Variants in SCYL3 observed in about 807,000 individuals in gnomAD.
SCYL3 encodes protein-associating with the carboxyl-terminal domain of ezrin.
SCYL3 carries 35 observed loss-of-function variants against 73.8 expected under a neutral mutation model. The ratio of observed to expected loss-of-function variants is 0.47; its 90% CI spans 0.36 to 0.63. The LOEUF (loss-of-function observed/expected upper bound fraction) is 0.63. Ranked by LOEUF, SCYL3 falls within the 20% of genes least tolerant of loss-of-function variation. SCYL3 has a pLI of 0.00. For missense variants in SCYL3, 712 were observed against 798.9 expected, an observed-to-expected ratio of 0.89 and a Z score of 1.31; for synonymous variants, 277 against 295.2, an observed-to-expected ratio of 0.94 and a Z score of 0.63.
Position 169,850,903 on chromosome 1 carries a change from TAA to T in SCYL3, c.*2808_*2809del, listed in dbSNP as rs1482823160. The T allele has an allele frequency of 7.0e-6, 1 of 143,824 alleles. No individual in the cohort carries two copies. The highest frequency in any genetic ancestry group is 2.6e-5 in the African/African-American group (1 of 38,242). The allele number at this position is 143,824 out of a possible 1,614,324, so 8.9% of individuals were successfully genotyped here. ...TCCCTAAGCTATTAATAATCATAAT[TAA>T]ATACACTTGATCACATAATTAGGTA... On this transcript the variant is annotated 3_prime_UTR_variant, in exon 13 of 13. Transcript: ENST00000367771.
intron 5 of SCYL3, among the ~76,000 whole-genome samples, chr1:169,872,600 G>A (rs543786155): frequency 7.2e-5 from 11 of 152,284 alleles, no homozygotes; most frequent in East Asian, 3.9e-4. Context: ...CTTGCACCAC[G>A]TGCCTGGAAA....
chr1:169,854,988 A>C, intron 11 of SCYL3, 24 bp from the exon 12 acceptor site: 2 of 1,502,746 alleles, frequency 1.3e-6, no homozygotes, highest in Non-Finnish European at 1.8e-6. Context: ...AATTATTCTC[A>C]TAAAATACTG....
At chr1:169,886,184 G>A (rs980532241) in intron 2 of SCYL3, among the ~76,000 whole-genome samples, 2 of 152,116 alleles carry the variant, frequency 1.3e-5, no homozygotes, top group Non-Finnish European at 2.9e-5. Context: ...GTCGGCGCGT[G>A]CCTGTAATCC....
Position 169,878,777 on chromosome 1 carries a change from A to T in SCYL3, c.208T>A (p.Ser70Thr), listed in dbSNP as rs1661039277. Residue 70 changes from serine to threonine, a missense_variant, in exon 3 of 13, where the codon TCT becomes ACT. Physicochemically the swap from Ser to Thr is moderately conservative, Grantham distance 58. Around this residue, in one of 2 missense-constraint regions of SCYL3, gnomAD observed 342 missense variants for 448.1 expected, o/e 0.76. Transcript: ENST00000367771. ...LRHPCLLRFL[S>T]CTVEADGIHL... ...ATGCCATCCGCTTCCACAGTACAAGATAAAAATCTTAGCAAGCAAGGGTGA... is the reference window on the plus strand; with the variant it reads ...ATGCCATCCGCTTCCACAGTACAAGTTAAAAATCTTAGCAAGCAAGGGTGA... 6.2e-7 allele frequency: 1 copy of T among 1,613,548 alleles called. No individual in the cohort carries two copies. Among genetic ancestry groups the T allele is most frequent in the African/African-American group, 1.3e-5 (1 of 74,898 alleles).
chr1:169,867,386 T>A (rs952712378), intron 7 of SCYL3, among the ~76,000 whole-genome samples: 1 of 152,250 alleles, frequency 6.6e-6, no homozygotes, highest in Non-Finnish European at 1.5e-5. Context: ...GGAATTTCCA[T>A]ACAGCAATCT....
intron 11 of SCYL3, among the ~76,000 whole-genome samples, chr1:169,856,336 G>A (rs1297804391): frequency 6.6e-6 from 1 of 152,204 alleles, no homozygotes; most frequent in Admixed American, 6.5e-5. Flanking sequence ...ATAAGAATAT[G>A]AATGTAGTGA....
chr1:169,855,826 G>A (rs201914700), intron 11 of SCYL3: 176 of 1,613,626 alleles, frequency 1.1e-4, no homozygotes, highest in Middle Eastern at 5.0e-4. Flanking sequence ...TAGTAATCTC[G>A]CTGTATGTGC....
chr1:169,879,438 A>G (rs916733248), intron 2 of SCYL3, among the ~76,000 whole-genome samples: 10 of 152,350 alleles, frequency 6.6e-5, no homozygotes, highest in African/African-American at 2.4e-4. Context: ...CTCAGAAGCA[A>G]GCATCCACTG....
intron 7 of SCYL3, 25 bp downstream of exon 7, chr1:169,868,903 G>C (rs1218626427): frequency 6.4e-7 from 1 of 1,553,182 alleles, no homozygotes; most frequent in African/African-American, 1.4e-5. Context: ...GAAGCAGCTG[G>C]CGTCACCACA....
At chr1:169,859,004 T>A (rs768771855) in intron 11 of SCYL3, 37 bp downstream of exon 11, 10 of 1,580,832 alleles carry the variant, frequency 6.3e-6, no homozygotes, top group Non-Finnish European at 8.6e-6. Context: ...TCTAAAAAAA[T>A]GACACACAAA....
At chr1:169,855,679 G>A in intron 11 of SCYL3, 1 of 921,226 alleles carries the variant, frequency 1.1e-6, no homozygotes, top group Admixed American at 2.8e-5. Context: ...GACCAAAGCT[G>A]ACTACATAAT....
Position 169,852,214 on chromosome 1 carries a change from C to G in SCYL3, c.*1499G>C, listed in dbSNP as rs547036166. 4 of 427,544 alleles carry G rather than the reference C, an allele frequency of 9.4e-6. No individual in the cohort carries two copies. The Admixed American group carries it at 1.2e-4, about 13-fold the overall frequency. The allele number at this position is 427,544 out of a possible 1,614,324, so 26.5% of individuals were successfully genotyped here. A position where few individuals can be genotyped will look rare whatever the true frequency, so the allele number is the denominator to read the frequency against. ...AGTGATGCTATAAATGCAGTCTTTA[C>G]TGAACCACAGAAGAAAATGAAAGAA... On this transcript the variant is annotated 3_prime_UTR_variant, in exon 13 of 13. Coordinates refer to ENST00000367771, the MANE Select transcript of SCYL3 (RefSeq NM_020423.7).
chr1:169,887,698 C>T (rs987153730), intron 2 of SCYL3, among the ~76,000 whole-genome samples: 2 of 152,100 alleles, frequency 1.3e-5, no homozygotes, highest in Non-Finnish European at 2.9e-5. Context: ...TACTTTTTAC[C>T]ACCACGCATC....
chr1:169,849,815 G>T lies in SCYL3; in HGVS notation c.*3898C>A. 1 of 554,736 alleles carries T rather than the reference G, an allele frequency of 1.8e-6. No individual in the cohort carries two copies. The highest frequency in any genetic ancestry group is 3.2e-6 in the Non-Finnish European group (1 of 310,210). 34.4% of individuals were successfully genotyped at this position (554,736 alleles called of 1,614,324 possible). ...TTCGTAAGGTCCTCTGAATAAACAA[G>T]GACCAGAACAGGCATACACAGCAGG... On this transcript the variant is annotated 3_prime_UTR_variant, in exon 13 of 13. Coordinates refer to ENST00000367771, the MANE Select transcript of SCYL3 (RefSeq NM_020423.7).
chr1:169,888,296 G>A (rs1178365393), intron 2 of SCYL3, among the ~76,000 whole-genome samples: 1 of 152,228 alleles, frequency 6.6e-6, no homozygotes, highest in Admixed American at 6.5e-5. Context: ...TTTCCCTAAG[G>A]AGGAAGCTGA....
chr1:169,852,981 A>G lies in SCYL3; in HGVS notation c.*732T>C, dbSNP rs1658614448. ...AGCTAAAACGTTACATACATACTCT[A>G]GGGTGAAACTTATCACTAGGCAGAA... On this transcript the variant is annotated 3_prime_UTR_variant, in exon 13 of 13. Coordinates refer to ENST00000367771, the MANE Select transcript of SCYL3 (RefSeq NM_020423.7). 1 of 1,613,666 alleles carries G rather than the reference A, an allele frequency of 6.2e-7. No individual in the cohort carries two copies. The highest frequency in any genetic ancestry group is 8.5e-7 in the Non-Finnish European group (1 of 1,179,878).
At chr1:169,855,106 G>T in intron 11 of SCYL3, 142 bp from the exon 12 acceptor site, 1 of 591,270 alleles carries the variant, frequency 1.7e-6, no homozygotes, top group Non-Finnish European at 2.9e-6. Context: ...AGAGATCCCA[G>T]CAGAACATTA....
chr1:169,882,059 T>A (rs1475293528), intron 2 of SCYL3, among the ~76,000 whole-genome samples: 1 of 152,194 alleles, frequency 6.6e-6, no homozygotes, highest in Admixed American at 6.5e-5. Flanking sequence ...AGCCCCCTTC[T>A]GGGCTGGCCA....
intron 1 of SCYL3, among the ~76,000 whole-genome samples, chr1:169,889,637 A>G (rs1661926893): frequency 6.6e-6 from 1 of 152,224 alleles, no homozygotes. Context: ...AAATGCAACT[A>G]TGACAAAATA....
Sources: gnomAD v4.1 joint callset for allele counts (sites outside exome capture counted in the v4.1 genomes callset) on GRCh38, gnomAD v4.1.1 for gene constraint, gnomAD v4.1.1 regional missense constraint, MANE v1.5 for transcripts, NCBI Gene and HGNC (gene_info 2026-07-23, HGNC 2026-07-21) for gene names.